The following GNAQ variants were observed in gnomAD, a reference collection of about 807,000 sequenced individuals.
GNAQ encodes the protein G protein subunit alpha q.
A neutral mutation model predicts 43.9 loss-of-function variants in GNAQ; 8 were observed. The ratio of observed to expected loss-of-function variants is 0.18; its 90% CI spans 0.11 to 0.33. The LOEUF (loss-of-function observed/expected upper bound fraction) is 0.33, where lower values mean the gene tolerates loss of function less well. GNAQ is among the 10% of genes least tolerant of loss of function. The pLI, the probability that GNAQ is intolerant of heterozygous loss-of-function variation, is 1.00. For synonymous variants in GNAQ, 155 were observed against 170.7 expected (o/e 0.91, Z 0.71); for missense variants, 158 against 450.8 (o/e 0.35, Z 5.88).
chr9:77,900,211 T>A (rs1318587465), intron 2 of GNAQ, among the ~76,000 whole-genome samples: 1 of 152,152 alleles, frequency 6.6e-6, no homozygotes, highest in Non-Finnish European at 1.5e-5. Flanking sequence ...TAAGTTTCAA[T>A]AAGTAGGAAA....
At chr9:77,797,322 C>T (rs1032592816) in intron 4 of GNAQ, among the ~76,000 whole-genome samples, 198 bp downstream of exon 4, 5 of 152,164 alleles carry the variant, frequency 3.3e-5, no homozygotes, top group Non-Finnish European at 5.9e-5. Flanking sequence ...CGTGAGCCAC[C>T]GCGCCCGGCC....
At chr9:77,819,224 C>G (rs1827071697) in intron 2 of GNAQ, among the ~76,000 whole-genome samples, 1 of 152,088 alleles carries the variant, frequency 6.6e-6, no homozygotes, top group Non-Finnish European at 1.5e-5. Context: ...CTCAGGAACT[C>G]TGGCAGAATT....
chr9:77,775,683 C>G (rs141426262), intron 5 of GNAQ, among the ~76,000 whole-genome samples: 2 of 151,972 alleles, frequency 1.3e-5, no homozygotes, highest in Admixed American at 1.3e-4. Context: ...CAGGCATGAG[C>G]CACCACGCCC....
At chr9:77,831,294 C>T (rs976258995) in intron 2 of GNAQ, among the ~76,000 whole-genome samples, 5 of 151,934 alleles carry the variant, frequency 3.3e-5, no homozygotes, top group African/African-American at 4.8e-5. Flanking sequence ...TTAAGAAAAG[C>T]CAAAATAACT....
At chr9:77,958,108 T>A (rs1254431668) in intron 1 of GNAQ, among the ~76,000 whole-genome samples, 1 of 152,212 alleles carries the variant, frequency 6.6e-6, no homozygotes, top group East Asian at 1.9e-4. Context: ...AATAGTAGAG[T>A]AGCTATTAAC....
chr9:77,873,711 C>T (rs1477308166), intron 2 of GNAQ, among the ~76,000 whole-genome samples: 1 of 152,222 alleles, frequency 6.6e-6, no homozygotes, highest in African/African-American at 2.4e-5. Context: ...GCAAGATATA[C>T]AAAAGCAGCT....
At chr9:77,798,060 T>C (rs1826684920) in intron 3 of GNAQ, among the ~76,000 whole-genome samples, 1 of 152,166 alleles carries the variant, frequency 6.6e-6, no homozygotes, top group Non-Finnish European at 1.5e-5. Context: ...TCTTTTTCTT[T>C]TTTCTCTTTT....
chr9:78,005,693 G>C (rs894662956), intron 1 of GNAQ, among the ~76,000 whole-genome samples: 2 of 152,118 alleles, frequency 1.3e-5, no homozygotes, highest in African/African-American at 4.8e-5. Flanking sequence ...CATGGGTCAA[G>C]GTTGCAGTGC....
chr9:77,752,839 C>T (rs1216597817), intron 5 of GNAQ, among the ~76,000 whole-genome samples: 1 of 152,088 alleles, frequency 6.6e-6, no homozygotes, highest in Non-Finnish European at 1.5e-5. Context: ...TCAATCCCAG[C>T]ACTCTGGGAG....
chr9:77,866,758 T>C (rs570877930), intron 2 of GNAQ, among the ~76,000 whole-genome samples: 4 of 152,342 alleles, frequency 2.6e-5, no homozygotes, highest in African/African-American at 9.6e-5. Flanking sequence ...GCTTGGAAAT[T>C]AGCTGTTATA....
intron 1 of GNAQ, among the ~76,000 whole-genome samples, chr9:77,932,819 A>G (rs755395935): frequency 5.9e-5 from 9 of 152,216 alleles, no homozygotes; most frequent in Non-Finnish European, 1.2e-4. Context: ...TATGCTAGGT[A>G]AAGAATGGAT....
chr9:77,970,233 A>AC (rs1564166304), intron 1 of GNAQ, among the ~76,000 whole-genome samples: 1 of 147,938 alleles, frequency 6.8e-6, no homozygotes, highest in Non-Finnish European at 1.5e-5. Context: ...AAAAAAAAAA[A>AC]AACAAACAAA....
chr9:77,950,202 G>C (rs765506161), intron 1 of GNAQ, among the ~76,000 whole-genome samples: 8 of 152,206 alleles, frequency 5.3e-5, no homozygotes, highest in Non-Finnish European at 1.2e-4. Context: ...GTGCTGGTCA[G>C]CTCTAAACTC....
intron 2 of GNAQ, among the ~76,000 whole-genome samples, chr9:77,833,708 A>G (rs917416960): frequency 1.3e-5 from 2 of 152,212 alleles, no homozygotes; most frequent in African/African-American, 4.8e-5. Context: ...CAAGGAAGCA[A>G]GCATGCTCCA....
chr9:78,017,348 T>C (rs1823851928), intron 1 of GNAQ, among the ~76,000 whole-genome samples: 1 of 152,218 alleles, frequency 6.6e-6, no homozygotes, highest in African/African-American at 2.4e-5. Flanking sequence ...CACTGTATGA[T>C]TCAAAATGCA....
chr9:78,029,563 C>G (rs952046744), intron 1 of GNAQ, among the ~76,000 whole-genome samples: 4 of 152,102 alleles, frequency 2.6e-5, no homozygotes, highest in African/African-American at 9.7e-5. Context: ...CTTTTGCCTT[C>G]TGCTTTTTAT....
intron 5 of GNAQ, among the ~76,000 whole-genome samples, chr9:77,783,766 A>C (rs780088089): frequency 2.6e-5 from 4 of 152,238 alleles, no homozygotes; most frequent in Non-Finnish European, 5.9e-5. Context: ...ACTTTAAAAA[A>C]GAATTATTTT....
intron 5 of GNAQ, among the ~76,000 whole-genome samples, chr9:77,740,305 T>A (rs190410779): frequency 3.2e-4 from 49 of 152,326 alleles, no homozygotes; most frequent in African/African-American, 1.2e-3. Flanking sequence ...CATGACTATG[T>A]CCACACTGAA....
At chr9:77,939,635 A>T (rs1437323089) in intron 1 of GNAQ, among the ~76,000 whole-genome samples, 3 of 152,226 alleles carry the variant, frequency 2.0e-5, no homozygotes, top group African/African-American at 4.8e-5. Flanking sequence ...CCAAACCACA[A>T]GTCAATAGCC....
Sources: gnomAD v4.1 joint callset for allele counts (sites outside exome capture counted in the v4.1 genomes callset) on GRCh38, gnomAD v4.1.1 for gene constraint, MANE v1.5 for transcripts, NCBI Gene and HGNC (gene_info 2026-07-23, HGNC 2026-07-21) for gene names.